Variants in PKIA observed in about 807,000 individuals in gnomAD.
PKIA encodes PKI-alpha.
A neutral mutation model predicts 7.6 loss-of-function variants in PKIA; 4 were observed. The observed-to-expected ratio is 0.52, with a 90% CI of 0.26 to 1.20. PKIA has a LOEUF of 1.20. PKIA is among the 50% of genes most tolerant of loss of function. The pLI is 0.13. For missense variants in PKIA, 73 were observed against 86.2 expected, an observed-to-expected ratio of 0.85 and a Z score of 0.61; for synonymous variants, 21 against 30.7, an observed-to-expected ratio of 0.68 and a Z score of 1.04.
At chr8:78,567,832 C>A (rs1476021299) in intron 1 of PKIA, among the ~76,000 whole-genome samples, 1 of 152,152 alleles carries the variant, frequency 6.6e-6, no homozygotes, top group East Asian at 1.9e-4. Context: ...GGATTATATA[C>A]CACTTTATTT....
intron 2 of PKIA, among the ~76,000 whole-genome samples, chr8:78,577,855 C>T (rs1257144519): frequency 6.6e-6 from 1 of 151,934 alleles, no homozygotes; most frequent in African/African-American, 2.4e-5. Flanking sequence ...TTTCATTAAG[C>T]TAATATAAAC....
At chr8:78,559,705 A>G (rs752101743) in intron 1 of PKIA, among the ~76,000 whole-genome samples, 1 of 152,200 alleles carries the variant, frequency 6.6e-6, no homozygotes, top group Non-Finnish European at 1.5e-5. Flanking sequence ...AGTGTTTTAC[A>G]TTCTGGCAAA....
intron 1 of PKIA, among the ~76,000 whole-genome samples, chr8:78,516,696 AACGTGATCT>A (rs1370999207): frequency 6.6e-6 from 1 of 152,238 alleles, no homozygotes; most frequent in Non-Finnish European, 1.5e-5. Context: ...TACTCTTTTG[AACGTGATCT>A]ACCATTTCAG....
At chr8:78,539,295 C>T (rs1052382993) in intron 1 of PKIA, among the ~76,000 whole-genome samples, 1 of 151,914 alleles carries the variant, frequency 6.6e-6, no homozygotes, top group African/African-American at 2.4e-5. Context: ...AGAACCCTGT[C>T]TCGATGTAAG....
intron 2 of PKIA, among the ~76,000 whole-genome samples, chr8:78,595,359 G>A (rs1390068463): frequency 2.0e-5 from 3 of 152,146 alleles, no homozygotes; most frequent in Non-Finnish European, 2.9e-5. Flanking sequence ...AAGAAAAGGT[G>A]GCTGTGACGA....
intron 1 of PKIA, among the ~76,000 whole-genome samples, chr8:78,543,834 T>C (rs959038508): frequency 6.6e-6 from 1 of 152,196 alleles, no homozygotes; most frequent in Non-Finnish European, 1.5e-5. Context: ...TTGCTGCCCA[T>C]TGAATATATC....
At chr8:78,535,451 C>T (rs76100955) in intron 1 of PKIA, 6,529 of 152,196 alleles carry the variant, frequency 0.043, 418 homozygotes, top group African/African-American at 0.14. Flanking sequence ...CTCAGTAAGC[C>T]TGAGTGCAAC....
intron 1 of PKIA, among the ~76,000 whole-genome samples, chr8:78,568,178 T>G (rs888988622): frequency 3.2e-4 from 49 of 152,194 alleles, no homozygotes; most frequent in African/African-American, 1.1e-3. Flanking sequence ...TAATTTTTTA[T>G]GTATGTTGCT....
At chr8:78,525,674 A>G (rs1809527943) in intron 1 of PKIA, among the ~76,000 whole-genome samples, 1 of 152,086 alleles carries the variant, frequency 6.6e-6, no homozygotes, top group Non-Finnish European at 1.5e-5. Flanking sequence ...GTAAAGTTGT[A>G]ACAATTTTAT....
At chr8:78,525,760 C>G (rs1461966486) in intron 1 of PKIA, among the ~76,000 whole-genome samples, 1 of 151,976 alleles carries the variant, frequency 6.6e-6, no homozygotes, top group African/African-American at 2.4e-5. Context: ...TGAATATATT[C>G]TGATCACTGG....
At chr8:78,520,807 A>G (rs946661289) in intron 1 of PKIA, among the ~76,000 whole-genome samples, 1 of 152,184 alleles carries the variant, frequency 6.6e-6, no homozygotes, top group African/African-American at 2.4e-5. Context: ...TGGATTCACT[A>G]AAGCTCTCTT....
intron 1 of PKIA, among the ~76,000 whole-genome samples, chr8:78,519,036 G>C (rs1164453258): frequency 6.6e-6 from 1 of 151,998 alleles, no homozygotes; most frequent in East Asian, 1.9e-4. Context: ...AAACTAATTG[G>C]CTGGTGTTCA....
At chr8:78,596,198 A>G (rs1169301072) in intron 2 of PKIA, among the ~76,000 whole-genome samples, 2 of 151,618 alleles carry the variant, frequency 1.3e-5, no homozygotes, top group East Asian at 3.9e-4. Context: ...TCCATTGCCC[A>G]ATTTTTAAGG....
chr8:78,579,329 G>A (rs754841292), intron 2 of PKIA, among the ~76,000 whole-genome samples: 1 of 151,918 alleles, frequency 6.6e-6, no homozygotes. Context: ...CAAAACCCTG[G>A]CTCCCATCAC....
intron 1 of PKIA, among the ~76,000 whole-genome samples, chr8:78,561,534 A>T (rs1021368692): frequency 6.6e-6 from 1 of 151,914 alleles, no homozygotes; most frequent in East Asian, 1.9e-4. Context: ...CTTCAAGTAC[A>T]TCTCACATAA....
At chr8:78,538,074 C>T (rs1429417532) in intron 1 of PKIA, among the ~76,000 whole-genome samples, 2 of 151,864 alleles carry the variant, frequency 1.3e-5, no homozygotes, top group East Asian at 3.9e-4. Context: ...TATGCTGGCC[C>T]TAAACTTGTT....
chr8:78,554,902 A>G (rs1366347353), intron 1 of PKIA, among the ~76,000 whole-genome samples: 1 of 152,092 alleles, frequency 6.6e-6, no homozygotes, highest in African/African-American at 2.4e-5. Context: ...AAAATAAAAG[A>G]TTGTTTTAAA....
chr8:78,588,424 G>T (rs949183464), intron 2 of PKIA, among the ~76,000 whole-genome samples: 2 of 152,168 alleles, frequency 1.3e-5, no homozygotes, highest in Non-Finnish European at 2.9e-5. Context: ...AGGTTGCGGT[G>T]AGCCAAGATC....
chr8:78,546,466 T>C (rs1028456136), intron 1 of PKIA, among the ~76,000 whole-genome samples: 1 of 152,202 alleles, frequency 6.6e-6, no homozygotes, highest in African/African-American at 2.4e-5. Context: ...AATAGCCACA[T>C]ATCCAAAGTA....
Sources: gnomAD v4.1 joint callset for allele counts (sites outside exome capture counted in the v4.1 genomes callset) on GRCh38, gnomAD v4.1.1 for gene constraint, MANE v1.5 for transcripts, NCBI Gene and HGNC (gene_info 2026-07-23, HGNC 2026-07-21) for gene names.